Variants in CA12 observed in about 807,000 individuals in gnomAD.
The protein encoded by CA12 is carbonate dehydratase XII.
In CA12, 36 loss-of-function variants were observed where a neutral mutation model predicts 46.8. The observed-to-expected ratio is 0.77, with a 90% CI of 0.59 to 1.02. CA12 has a LOEUF of 1.02. Ranked by LOEUF, CA12 falls within the 50% of genes least tolerant of loss-of-function variation. The probability of loss-of-function intolerance (pLI) is 0.00; values close to 1 mark genes in which losing one functional copy is unlikely to be tolerated. For synonymous variants in CA12, 202 were observed against 187.0 expected (o/e 1.08, Z -0.65); for missense variants, 436 against 451.4 (o/e 0.97, Z 0.31).
rs1336595615 is a variant in CA12 at position 63,375,671 on chromosome 15, C to G, written c.93G>C (p.Lys31Asn). ...PSSPAPVNGS[K>N]WTYFGPDGEN... ...ATCTCTACTTACCAAAATAAGTCCACTTGGAACCTACAAAGAACAAAACAC... is the reference window on the plus strand; with the variant it reads ...ATCTCTACTTACCAAAATAAGTCCAGTTGGAACCTACAAAGAACAAAACAC... Residue 31 changes from lysine to asparagine, a missense_variant, in exon 2 of 11, where the codon AAG becomes AAC. Physicochemically the swap from Lys to Asn is moderately conservative, Grantham distance 94. Coordinates refer to ENST00000178638, the MANE Select transcript of CA12 (RefSeq NM_001218.5). The G allele has an allele frequency of 1.3e-6, 2 of 1,572,414 alleles. No individual in the cohort carries two copies. Among genetic ancestry groups the G allele is most frequent in the Non-Finnish European group, 1.7e-6 (2 of 1,144,232 alleles).
intron 1 of CA12, among the ~76,000 whole-genome samples, chr15:63,380,035 C>T (rs2039625178): frequency 6.6e-6 from 1 of 152,214 alleles, no homozygotes; most frequent in African/African-American, 2.4e-5. Context: ...CTCTCCACCT[C>T]CAACTTTGGG....
At chr15:63,352,537 G>T (rs1298913457) in intron 2 of CA12, among the ~76,000 whole-genome samples, 2 of 152,208 alleles carry the variant, frequency 1.3e-5, no homozygotes. Context: ...GACACTTCTT[G>T]GAGGTCATAC....
At chr15:63,356,014 T>C (rs1419692784) in intron 2 of CA12, among the ~76,000 whole-genome samples, 1 of 152,194 alleles carries the variant, frequency 6.6e-6, no homozygotes, top group Non-Finnish European at 1.5e-5. Flanking sequence ...TGATTAAATA[T>C]GGTGTTTGAA....
rs2038839609 is a variant in CA12 at position 63,324,473 on chromosome 15, T to A, written c.*1812A>T. The A allele has an allele frequency of 6.6e-6, 1 of 152,228 alleles. No individual in the cohort carries two copies. Among genetic ancestry groups the A allele is most frequent in the Admixed American group, 6.5e-5 (1 of 15,280 alleles). 9.4% of individuals were successfully genotyped at this position (152,228 alleles called of 1,614,324 possible). ...CGTCATGAGGGTTGTCCTTGTCATC[T>A]GATGATGCATGAGGCATGCTAATGG... On this transcript the variant is annotated 3_prime_UTR_variant, in exon 11 of 11. Coordinates refer to ENST00000178638, the MANE Select transcript of CA12 (RefSeq NM_001218.5).
At chr15:63,381,385 C>T (rs1567058676) in intron 1 of CA12, among the ~76,000 whole-genome samples, 1 of 152,228 alleles carries the variant, frequency 6.6e-6, no homozygotes, top group Non-Finnish European at 1.5e-5. Flanking sequence ...ATCTTCAGAG[C>T]TGGCGGTGCC....
rs2038839231 is a variant in CA12 at position 63,324,452 on chromosome 15, A to T, written c.*1833T>A. 6.6e-6 allele frequency: 1 copy of T among 152,246 alleles called. No homozygotes were observed. The highest frequency in any genetic ancestry group is 1.5e-5 in the Non-Finnish European group (1 of 68,076). 9.4% of individuals were successfully genotyped at this position (152,246 alleles called of 1,614,324 possible). ...GCCCCCTAATTCATGTTGCTTCGTC[A>T]TGAGGGTTGTCCTTGTCATCTGATG... On this transcript the variant is annotated 3_prime_UTR_variant, in exon 11 of 11. Transcript: ENST00000178638.
rs975977553 is a variant in CA12, at chr15:63,345,187, T to A, written c.429+290A>T. ...GAAGGCAATGTCTAAAAGAAGGGCATGTATGTCCCACTGGGCCACCCTGGG... is the reference window on the plus strand; with the variant it reads ...GAAGGCAATGTCTAAAAGAAGGGCAAGTATGTCCCACTGGGCCACCCTGGG... On this transcript the variant is annotated intron_variant, in intron 4 of 10. Coordinates refer to ENST00000178638, the MANE Select transcript of CA12 (RefSeq NM_001218.5). This position sits in a 1 kb window ranked among gnomAD's most constrained non-coding sequence, Gnocchi z 4.3. Among the ~76,000 whole-genome samples the A allele has an allele frequency of 2.6e-5, 4 of 152,226 alleles. No individual in the cohort carries two copies. The highest frequency in any genetic ancestry group is 4.4e-5 in the Non-Finnish European group (3 of 68,036).
intron 8 of CA12, among the ~76,000 whole-genome samples, chr15:63,335,554 C>T (rs896897851): frequency 2.0e-5 from 3 of 151,342 alleles, no homozygotes; most frequent in African/African-American, 7.3e-5. Flanking sequence ...GCCTCAAACT[C>T]TTGGGCTAAT....
intron 2 of CA12, among the ~76,000 whole-genome samples, chr15:63,360,459 C>T (rs1267249721): frequency 2.0e-5 from 3 of 152,168 alleles, no homozygotes; most frequent in Non-Finnish European, 4.4e-5. Context: ...AAAAGCAAGT[C>T]TGGAACAAAA....
rs1161333047 is a variant in CA12 at position 63,355,861 on chromosome 15, G to A, written c.107-9152C>T. Among the ~76,000 whole-genome samples, 3 of 152,108 alleles carry A rather than the reference G, an allele frequency of 2.0e-5. No homozygotes were observed. The highest frequency in any genetic ancestry group is 6.5e-5 in the Admixed American group (1 of 15,274). On this transcript the variant is annotated intron_variant, in intron 2 of 10. Transcript: ENST00000178638. The surrounding 1 kb of genome is among the most constrained non-coding windows in gnomAD (Gnocchi z 4.1). ...CCACAGCCCTGTAGCCACCGCCCTCGCAAGACATCCTGCTCTGTCTTTCTT... is the reference window on the plus strand; with the variant it reads ...CCACAGCCCTGTAGCCACCGCCCTCACAAGACATCCTGCTCTGTCTTTCTT...
chr15:63,330,708 T>C lies in CA12; in HGVS notation c.875-2578A>G, dbSNP rs1048477085. Among the ~76,000 whole-genome samples the C allele has an allele frequency of 1.3e-5, 2 of 152,112 alleles. No homozygotes were observed. Among genetic ancestry groups the C allele is most frequent in the Non-Finnish European group, 2.9e-5 (2 of 68,020 alleles). ...AGGGTGGGGCTTTTCTCAGGGCACATGCCCTGCGTGGTGGCTTCTCTGGAG... is the reference window on the plus strand; with the variant it reads ...AGGGTGGGGCTTTTCTCAGGGCACACGCCCTGCGTGGTGGCTTCTCTGGAG... On this transcript the variant is annotated intron_variant, in intron 8 of 10. Transcript: ENST00000178638. This position sits in a 1 kb window ranked among gnomAD's most constrained non-coding sequence, Gnocchi z 4.0.
In CA12 at chr15:63,340,353, G is replaced by T. The variant is rs979151309; in HGVS notation, c.682C>A (p.Pro228Thr). The change falls in exon 7 of 11, where the codon CCC becomes ACC. Residue 228 changes from proline (P) to threonine (T), a missense_variant. Physicochemically the swap from Pro to Thr is conservative, Grantham distance 38. Coordinates refer to ENST00000178638, the MANE Select transcript of CA12 (RefSeq NM_001218.5). This position sits in a 1 kb window ranked among gnomAD's most constrained non-coding sequence, Gnocchi z 4.4. Reference protein sequence around the residue: ...YYRYRGSLTTPPCNPTVLWTV... With the variant: ...YYRYRGSLTTTPCNPTVLWTV... ...CAGAGCACAGTGGGGTTGCAAGGGG[G>T]TGTGGTCAGGGACCCCCGGTAGCGG... 2 of 1,614,176 alleles carry T rather than the reference G, an allele frequency of 1.2e-6. No individual in the cohort carries two copies. Among genetic ancestry groups the T allele is most frequent in the Admixed American group, 1.7e-5 (1 of 60,028 alleles).
rs376998993 is a variant in CA12 at position 63,340,279 on chromosome 15, G to A, written c.747+9C>T. ...CGTGGACTCTGGCTGAGTCTGGCAC[G>A]ACAGTTACCTGCTCCTGGGAAATTT... On this transcript the variant is annotated intron_variant, in intron 7 of 10. Transcript: ENST00000178638. The surrounding 1 kb of genome is among the most constrained non-coding windows in gnomAD (Gnocchi z 4.4). 8 of 1,614,030 alleles carry A rather than the reference G, an allele frequency of 5.0e-6. No individual in the cohort carries two copies. Among genetic ancestry groups the A allele is most frequent in the South Asian group, 3.3e-5 (3 of 91,054 alleles).
chr15:63,340,623 CA>C lies in CA12; in HGVS notation c.589+96del. The C allele has an allele frequency of 1.4e-6, 2 of 1,415,930 alleles. No individual in the cohort carries two copies. The highest frequency in any genetic ancestry group is 2.0e-6 in the Non-Finnish European group (2 of 1,000,046). The allele number at this position is 1,415,930 out of a possible 1,614,324, so 87.7% of individuals were successfully genotyped here. Reference sequence around the variant, plus strand: ...CTGCTCTTAACCTGGTGAACACAGACAGCACCTGCCCCTTGTGTTTGCTTTT... The same window carrying C: ...CTGCTCTTAACCTGGTGAACACAGACGCACCTGCCCCTTGTGTTTGCTTTT... On this transcript the variant is annotated intron_variant, in intron 6 of 10. Transcript: ENST00000178638. This position sits in a 1 kb window ranked among gnomAD's most constrained non-coding sequence, Gnocchi z 4.4.
intron 2 of CA12, among the ~76,000 whole-genome samples, chr15:63,353,044 T>C (rs2039253525): frequency 6.6e-6 from 1 of 152,154 alleles, no homozygotes; most frequent in Admixed American, 6.5e-5. Flanking sequence ...GGCACTGTAC[T>C]AGGTGCTGAA....
rs3837731 is a variant in CA12 at position 63,330,704 on chromosome 15, CA to C, written c.875-2575del. Among the ~76,000 whole-genome samples the C allele has an allele frequency of 0.39, 58,749 of 152,034 alleles. 13,023 individuals are homozygous for C. The highest frequency in any genetic ancestry group is 0.52 in the Non-Finnish European group (35,235 of 67,916). ...AGCAAGGGTGGGGCTTTTCTCAGGGCACATGCCCTGCGTGGTGGCTTCTCTG... is the reference window on the plus strand; with the variant it reads ...AGCAAGGGTGGGGCTTTTCTCAGGGCCATGCCCTGCGTGGTGGCTTCTCTG... On this transcript the variant is annotated intron_variant, in intron 8 of 10. Transcript: ENST00000178638. This position sits in a 1 kb window ranked among gnomAD's most constrained non-coding sequence, Gnocchi z 4.0.
intron 2 of CA12, among the ~76,000 whole-genome samples, chr15:63,359,631 TG>T (rs1178471274): frequency 6.6e-6 from 1 of 152,204 alleles, no homozygotes; most frequent in African/African-American, 2.4e-5. Context: ...ATATGCTATA[TG>T]CTACAAGGTC....
rs2152615115 is a variant in CA12, at chr15:63,339,426, C to T, written c.748-481G>A. ...CGGGTTCCATGGCATTTTCATGCAC[C>T]TGCATAGATTATATAACCCTTTCCC... On this transcript the variant is annotated intron_variant, in intron 7 of 10. Coordinates refer to ENST00000178638, the MANE Select transcript of CA12 (RefSeq NM_001218.5). The surrounding 1 kb of genome is among the most constrained non-coding windows in gnomAD (Gnocchi z 4.3). Among the ~76,000 whole-genome samples, 1 of 152,322 alleles carries T rather than the reference C, an allele frequency of 6.6e-6. No individual in the cohort carries two copies. Among genetic ancestry groups the T allele is most frequent in the East Asian group, 1.9e-4 (1 of 5,186 alleles).
rs890339964 is a variant in CA12 at position 63,345,044 on chromosome 15, G to A, written c.429+433C>T. Among the ~76,000 whole-genome samples the A allele has an allele frequency of 6.6e-6, 1 of 152,172 alleles. No individual in the cohort carries two copies. The highest frequency in any genetic ancestry group is 1.5e-5 in the Non-Finnish European group (1 of 68,046). On this transcript the variant is annotated intron_variant, in intron 4 of 10. Transcript: ENST00000178638. This position sits in a 1 kb window ranked among gnomAD's most constrained non-coding sequence, Gnocchi z 4.3. ...GTTCTAAACACAACCCATGCCCAGAGAGGGAAAGATAGCATCAAAATGATG... is the reference window on the plus strand; with the variant it reads ...GTTCTAAACACAACCCATGCCCAGAAAGGGAAAGATAGCATCAAAATGATG...
Sources: gnomAD v4.1 joint callset for allele counts (sites outside exome capture counted in the v4.1 genomes callset) on GRCh38, gnomAD v4.1.1 for gene constraint, Gnocchi (gnomAD v3.1) non-coding constraint, MANE v1.5 for transcripts, NCBI Gene and HGNC (gene_info 2026-07-23, HGNC 2026-07-21) for gene names.